Variants in RUNX1 observed in about 807,000 individuals in gnomAD.
The protein encoded by RUNX1 is RUNX family transcription factor 1.
In RUNX1, 19 loss-of-function variants were observed where a neutral mutation model predicts 42.8. The observed-to-expected ratio is 0.44, with a 90% CI of 0.31 to 0.65. The LOEUF (loss-of-function observed/expected upper bound fraction) is 0.65. Among genes scored for constraint, RUNX1 ranks in the 30% least tolerant of loss-of-function variants. The pLI is 0.07. For missense variants in RUNX1, 528 were observed against 672.0 expected, an observed-to-expected ratio of 0.79 and a Z score of 2.37; for synonymous variants, 271 against 289.4, an observed-to-expected ratio of 0.94 and a Z score of 0.64.
chr21:34,993,404 C>A (rs1464929614), intron 2 of RUNX1, among the ~76,000 whole-genome samples: 1 of 152,140 alleles, frequency 6.6e-6, no homozygotes, highest in African/African-American at 2.4e-5. Context: ...TCCTAGGAAC[C>A]TCAGGGACTT....
At chr21:35,047,603 A>T (rs2059409857) in intron 2 of RUNX1, among the ~76,000 whole-genome samples, 1 of 100,622 alleles carries the variant, frequency 9.9e-6, no homozygotes, top group Non-Finnish European at 2.1e-5. Context: ...TCTCTCATCA[A>T]GTTTTTTAAT....
At chr21:34,995,966 T>C (rs2058992202) in intron 2 of RUNX1, among the ~76,000 whole-genome samples, 3 of 152,246 alleles carry the variant, frequency 2.0e-5, no homozygotes, top group Admixed American at 6.5e-5. Context: ...TTTTATCTTT[T>C]AGAATGCCCC....
chr21:34,871,549 G>T (rs2057737680), intron 5 of RUNX1, among the ~76,000 whole-genome samples: 2 of 152,172 alleles, frequency 1.3e-5, no homozygotes, highest in South Asian at 4.1e-4. Flanking sequence ...ACACCTAGGG[G>T]AGTCTCCCTA....
intron 7 of RUNX1, among the ~76,000 whole-genome samples, chr21:34,820,101 AC>A (rs1220510881): frequency 6.6e-6 from 1 of 152,170 alleles, no homozygotes; most frequent in Admixed American, 6.5e-5. Flanking sequence ...CTTGCCTGCT[AC>A]CCACGTGGGC....
intron 2 of RUNX1, among the ~76,000 whole-genome samples, chr21:34,966,475 GAGA>G (rs1335921141): frequency 6.6e-6 from 1 of 152,142 alleles, no homozygotes; most frequent in East Asian, 1.9e-4. Context: ...CCAATGAAGG[GAGA>G]AGAAGATGCT....
intron 2 of RUNX1, among the ~76,000 whole-genome samples, chr21:35,000,522 G>C (rs1380046375): frequency 6.6e-6 from 1 of 152,110 alleles, no homozygotes; most frequent in Admixed American, 6.5e-5. Flanking sequence ...TTACAGGCGT[G>C]AGCCACCGCA....
intron 2 of RUNX1, among the ~76,000 whole-genome samples, chr21:34,933,188 T>A (rs1417585802): frequency 6.6e-6 from 1 of 152,190 alleles, no homozygotes; most frequent in Admixed American, 6.5e-5. Flanking sequence ...TGGGAACATC[T>A]CGATGGTGGA....
chr21:34,887,095 A>T lies in RUNX1; in HGVS notation c.99T>A (p.Asp33Glu), dbSNP rs762090330. 1.3e-6 allele frequency: 2 copies of T among 1,598,108 alleles called. No individual in the cohort carries two copies. Among genetic ancestry groups the T allele is most frequent in the South Asian group, 2.2e-5 (2 of 91,060 alleles). ...GCGTGAAGCGGCGGCTCGTGCTGGC[A>T]TCTACGGGGATACGCATCACAACAA... The part of the protein sequence containing the change: ...LGMNPSRDVH[D>E]ASTSRRFTPP... The change falls in exon 4 of 9, where the codon GAT becomes GAA. Residue 33 changes from aspartate (D) to glutamate (E), a missense_variant and splice_region_variant. Around this residue, in one of 3 missense-constraint regions of RUNX1, gnomAD observed 114 missense variants for 115.0 expected, o/e 0.99. Transcript: ENST00000675419.
At chr21:34,812,561 T>C (rs564379587) in intron 7 of RUNX1, among the ~76,000 whole-genome samples, 45 of 152,358 alleles carry the variant, frequency 3.0e-4, no homozygotes, top group Admixed American at 1.7e-3. Context: ...GCCAGAATTC[T>C]TTTAAACTCC....
chr21:34,801,150 G>T (rs543022819), intron 7 of RUNX1, among the ~76,000 whole-genome samples: 1 of 151,538 alleles, frequency 6.6e-6, no homozygotes, highest in Non-Finnish European at 1.5e-5. Flanking sequence ...TAAGACATGC[G>T]TATATACTAG....
intron 2 of RUNX1, among the ~76,000 whole-genome samples, chr21:34,944,260 G>A (rs2058548734): frequency 1.3e-5 from 2 of 152,156 alleles, no homozygotes; most frequent in Non-Finnish European, 2.9e-5. Context: ...TCCTCCAGCT[G>A]GCCTCCTAAT....
chr21:35,043,056 A>G (rs1454457796), intron 2 of RUNX1, among the ~76,000 whole-genome samples: 2 of 152,112 alleles, frequency 1.3e-5, no homozygotes, highest in Non-Finnish European at 2.9e-5. Context: ...CGCAAGTGAG[A>G]GCAGTGTGTC....
At chr21:34,840,394 T>C (rs529117665) in intron 6 of RUNX1, among the ~76,000 whole-genome samples, 1 of 152,238 alleles carries the variant, frequency 6.6e-6, no homozygotes, top group South Asian at 2.1e-4. Context: ...CTACCAACCT[T>C]TGCTGTGGAC....
At chr21:35,002,479 G>A (rs1251893960) in intron 2 of RUNX1, among the ~76,000 whole-genome samples, 1 of 151,476 alleles carries the variant, frequency 6.6e-6, no homozygotes, top group Non-Finnish European at 1.5e-5. Flanking sequence ...CCAGGCTGGA[G>A]TGCATTGGCG....
At chr21:34,975,343 ATGGTTGTC>A (rs1449275097) in intron 2 of RUNX1, among the ~76,000 whole-genome samples, 7 of 152,356 alleles carry the variant, frequency 4.6e-5, no homozygotes, top group African/African-American at 1.7e-4. Context: ...GTATATATGG[ATGGTTGTC>A]TGTATTGAAC....
intron 7 of RUNX1, among the ~76,000 whole-genome samples, chr21:34,810,092 G>A (rs1418415226): frequency 6.6e-6 from 1 of 152,212 alleles, no homozygotes; most frequent in Non-Finnish European, 1.5e-5. Flanking sequence ...GGCCGAGGGG[G>A]CATGGAGCAG....
At position 35,049,217 on chromosome 21, in the gene RUNX1, C is replaced by T. The variant is rs2059422358; in HGVS notation, c.-109G>A. The T allele has an allele frequency of 1.0e-5, 4 of 383,670 alleles. No individual in the cohort carries two copies. Among genetic ancestry groups the T allele is most frequent in the South Asian group, 1.0e-4 (4 of 38,462 alleles). The allele number at this position is 383,670 out of a possible 1,614,324, so 23.8% of individuals were successfully genotyped here. On this transcript the variant is annotated 5_prime_UTR_variant, in exon 1 of 9. Coordinates refer to ENST00000675419, the MANE Select transcript of RUNX1 (RefSeq NM_001754.5). The stretch of plus-strand genomic sequence containing the variant: ...CATTCAGTGTGATTCGTCCTGCCTG[C>T]TGACCACTATGCTGGGTTCAGACTT...
At chr21:34,823,854 C>T (rs529615340) in intron 7 of RUNX1, among the ~76,000 whole-genome samples, 1 of 152,250 alleles carries the variant, frequency 6.6e-6, no homozygotes, top group African/African-American at 2.4e-5. Context: ...CTGATTCCCT[C>T]CAGGAAAGAA....
intron 2 of RUNX1, among the ~76,000 whole-genome samples, chr21:34,936,270 CT>C (rs35815473): frequency 0.08 from 12,231 of 151,960 alleles, 685 homozygotes; most frequent in African/African-American, 0.15. Context: ...TTCAGCCCCC[CT>C]CTTTTTTAAA....
Sources: gnomAD v4.1 joint callset for allele counts (sites outside exome capture counted in the v4.1 genomes callset) on GRCh38, gnomAD v4.1.1 for gene constraint, gnomAD v4.1.1 regional missense constraint, MANE v1.5 for transcripts, NCBI Gene and HGNC (gene_info 2026-07-23, HGNC 2026-07-21) for gene names.